SAMD5: variants seen among roughly 807,000 people sequenced by gnomAD.
SAMD5 encodes the protein sterile alpha motif domain-containing protein 5.
A neutral mutation model predicts 11.3 loss-of-function variants in SAMD5; 13 were observed. The observed-to-expected ratio is 1.15, with a 90% CI of 0.75 to 1.83. The LOEUF is 1.83. SAMD5 is among the 40% of genes most tolerant of loss of function. SAMD5 has a pLI of 0.00. For missense variants in SAMD5, 255 were observed against 239.1 expected, an observed-to-expected ratio of 1.07 and a Z score of -0.44; for synonymous variants, 129 against 111.3, an observed-to-expected ratio of 1.16 and a Z score of -1.00.
At chr6:147,613,989 C>T in intron 1 of SAMD5, among the ~76,000 whole-genome samples, 1 of 151,892 alleles carries the variant, frequency 6.6e-6, no homozygotes, top group Non-Finnish European at 1.5e-5. Flanking sequence ...ACCAACACAC[C>T]ACAGGTGGCA....
chr6:147,684,218 G>T (rs1790977609), intron 1 of SAMD5, among the ~76,000 whole-genome samples: 1 of 152,028 alleles, frequency 6.6e-6, no homozygotes. Flanking sequence ...TTTGTGTTGG[G>T]CTTCCTCACT....
At chr6:147,563,337 A>G (rs1447709464) in intron 1 of SAMD5, among the ~76,000 whole-genome samples, 1 of 152,236 alleles carries the variant, frequency 6.6e-6, no homozygotes, top group Non-Finnish European at 1.5e-5. Context: ...TGTCTGCAGT[A>G]TGATTTTTAT....
At chr6:147,536,227 C>T (rs768259107) in intron 1 of SAMD5, among the ~76,000 whole-genome samples, 4 of 152,164 alleles carry the variant, frequency 2.6e-5, no homozygotes, top group Non-Finnish European at 4.4e-5. Context: ...TCGTGATCTG[C>T]CCTCCACAGC....
intron 1 of SAMD5, among the ~76,000 whole-genome samples, chr6:147,619,157 T>A (rs1488487455): frequency 6.6e-6 from 1 of 152,236 alleles, no homozygotes; most frequent in African/African-American, 2.4e-5. Flanking sequence ...TTTTATGCTG[T>A]GGGCAGGGCC....
chr6:147,746,909 C>T, the SAMD5 span, among the ~76,000 whole-genome samples: 2 of 152,208 alleles, frequency 1.3e-5, no homozygotes, highest in East Asian at 1.9e-4. Flanking sequence ...GAGACTAGGT[C>T]ATGGGCTGCA....
intron 1 of SAMD5, among the ~76,000 whole-genome samples, chr6:147,695,707 G>A (rs773107726): frequency 1.1e-4 from 17 of 152,258 alleles, no homozygotes; most frequent in Non-Finnish European, 1.9e-4. Context: ...ACAGGGTCCT[G>A]AACCCAGGAA....
intron 1 of SAMD5, among the ~76,000 whole-genome samples, chr6:147,582,274 G>A (rs528460041): frequency 3.1e-4 from 47 of 151,914 alleles, no homozygotes; most frequent in Non-Finnish European, 6.2e-4. Context: ...GGCTGAGGCG[G>A]GAGAATCACT....
chr6:147,800,380 T>C, the SAMD5 span, among the ~76,000 whole-genome samples: 2 of 152,064 alleles, frequency 1.3e-5, no homozygotes, highest in Non-Finnish European at 2.9e-5. Context: ...TTAGTCTGCT[T>C]GGGGGTCAGG....
intron 1 of SAMD5, among the ~76,000 whole-genome samples, chr6:147,549,887 T>A (rs893790950): frequency 6.6e-6 from 1 of 151,626 alleles, no homozygotes; most frequent in Non-Finnish European, 1.5e-5. Context: ...ATTGTTAGAT[T>A]TGCTGATTTA....
chr6:147,522,619 T>G (rs1788271189), intron 1 of SAMD5, among the ~76,000 whole-genome samples: 1 of 152,232 alleles, frequency 6.6e-6, no homozygotes, highest in Non-Finnish European at 1.5e-5. Flanking sequence ...ATAATCTTAC[T>G]CCAAGACCAT....
intron 1 of SAMD5, among the ~76,000 whole-genome samples, chr6:147,643,175 G>C (rs1374890702): frequency 6.6e-6 from 1 of 152,138 alleles, no homozygotes; most frequent in Non-Finnish European, 1.5e-5. Context: ...GAATCAGAAA[G>C]GTGATGTTTC....
chr6:147,679,368 G>A (rs1251219100), intron 1 of SAMD5, among the ~76,000 whole-genome samples: 1 of 152,048 alleles, frequency 6.6e-6, no homozygotes, highest in Admixed American at 6.6e-5. Context: ...GTAGTAGAAT[G>A]TCATTATAGT....
At chr6:147,720,804 C>G (rs980374342) in intron 1 of SAMD5, among the ~76,000 whole-genome samples, 1 of 148,548 alleles carries the variant, frequency 6.7e-6, no homozygotes, top group South Asian at 2.2e-4. Context: ...CCCACTAACT[C>G]GTCATCTAGC....
At chr6:147,943,287 GT>G in the SAMD5 span, among the ~76,000 whole-genome samples, 56 of 152,214 alleles carry the variant, frequency 3.7e-4, 1 homozygote, top group African/African-American at 1.2e-3. Flanking sequence ...AAAGTTGGTT[GT>G]TTTTTTCCCC....
chr6:147,901,393 T>C, the SAMD5 span, among the ~76,000 whole-genome samples: 1 of 152,224 alleles, frequency 6.6e-6, no homozygotes, highest in Non-Finnish European at 1.5e-5. Flanking sequence ...CAGGTGTCAT[T>C]CTTGAAGACT....
intron 1 of SAMD5, among the ~76,000 whole-genome samples, chr6:147,547,332 A>G (rs1196005726): frequency 6.6e-6 from 1 of 152,182 alleles, no homozygotes; most frequent in African/African-American, 2.4e-5. Flanking sequence ...CAGAAAGCCA[A>G]AATTAAGGTA....
At chr6:147,684,200 G>GTTGAGCTTTAT (rs1440199047) in intron 1 of SAMD5, among the ~76,000 whole-genome samples, 3 of 152,172 alleles carry the variant, frequency 2.0e-5, no homozygotes, top group Admixed American at 1.3e-4. Flanking sequence ...GATTTCAATG[G>GTTGAGCTTTAT]TCTGTATTTT....
chr6:147,681,812 C>T (rs1217228524), intron 1 of SAMD5, among the ~76,000 whole-genome samples: 3 of 152,152 alleles, frequency 2.0e-5, no homozygotes, highest in Non-Finnish European at 4.4e-5. Context: ...AGGCAGAACT[C>T]TTCTGAGCAC....
chr6:147,528,362 G>T (rs1404288501), intron 1 of SAMD5, among the ~76,000 whole-genome samples: 1 of 152,112 alleles, frequency 6.6e-6, no homozygotes, highest in Non-Finnish European at 1.5e-5. Flanking sequence ...GAGGCCACGT[G>T]CCCCAGCTTG....
Sources: gnomAD v4.1 joint callset for allele counts (sites outside exome capture counted in the v4.1 genomes callset) on GRCh38, gnomAD v4.1.1 for gene constraint, MANE v1.5 for transcripts, NCBI Gene and HGNC (gene_info 2026-07-23, HGNC 2026-07-21) for gene names.